Variants in VEPH1 observed in about 807,000 individuals in gnomAD.
VEPH1 encodes the protein ventricular zone-expressed PH domain-containing protein homolog 1.
Under a neutral mutation model 85.2 loss-of-function variants are expected in VEPH1, and 80 were observed. That is an observed-to-expected ratio of 0.94 (90% CI 0.78 to 1.13). VEPH1 has a LOEUF of 1.13. Among genes scored for constraint, VEPH1 ranks in the 50% most tolerant of loss-of-function variants. VEPH1 has a pLI of 0.00. For missense variants in VEPH1, 955 were observed against 980.5 expected (o/e 0.97, Z 0.35); for synonymous variants, 297 against 348.0 (o/e 0.85, Z 1.63).
intron 2 of VEPH1, among the ~76,000 whole-genome samples, chr3:157,490,178 T>G (rs934984901): frequency 1.3e-5 from 2 of 151,878 alleles, no homozygotes; most frequent in Admixed American, 1.3e-4. Context: ...AAGATACTGA[T>G]AGAATTATTC....
chr3:157,382,751 A>G (rs910362138), intron 6 of VEPH1, among the ~76,000 whole-genome samples: 1 of 151,972 alleles, frequency 6.6e-6, no homozygotes, highest in Non-Finnish European at 1.5e-5. Context: ...TCAAGGTGCA[A>G]CTCTTCCATG....
In VEPH1 at chr3:157,426,000, G is replaced by A. The variant is rs1234057937; in HGVS notation, c.696+2322C>T. ...CATGAGATCTGATGGTTTTATCAGGGGTTTCTGCTTTTGCATGGGGTTCCT... is the reference window on the plus strand; with the variant it reads ...CATGAGATCTGATGGTTTTATCAGGAGTTTCTGCTTTTGCATGGGGTTCCT... On this transcript the variant is annotated intron_variant, in intron 5 of 13. Coordinates refer to ENST00000362010, the MANE Select transcript of VEPH1 (RefSeq NM_001167912.2). Among the ~76,000 whole-genome samples the A allele has an allele frequency of 2.0e-5, 3 of 152,244 alleles. No individual in the cohort carries two copies. The South Asian group carries it at 6.2e-4, about 32-fold the overall frequency.
chr3:157,416,627 T>C (rs1193184456), intron 5 of VEPH1, among the ~76,000 whole-genome samples: 1 of 152,202 alleles, frequency 6.6e-6, no homozygotes, highest in Non-Finnish European at 1.5e-5. Context: ...TCCTGTTTCC[T>C]GAACACCAAG....
At chr3:157,385,219 C>CA (rs66539962) in intron 6 of VEPH1, among the ~76,000 whole-genome samples, 58,775 of 135,322 alleles carry the variant, frequency 0.43, 12,655 homozygotes, top group Admixed American at 0.57. Context: ...CTCCTCCCAT[C>CA]AAAAAAAAAA....
chr3:157,343,093 C>T (rs896213149), intron 9 of VEPH1, among the ~76,000 whole-genome samples: 15 of 152,238 alleles, frequency 9.9e-5, no homozygotes, highest in African/African-American at 3.6e-4. Flanking sequence ...CTAAAATTGA[C>T]ACCCTAACAT....
intron 4 of VEPH1, chr3:157,442,991 C>T (rs1390906175): frequency 1.3e-6 from 2 of 1,577,168 alleles, no homozygotes; most frequent in African/African-American, 2.7e-5. Context: ...TGTTGTGAAA[C>T]TCCACTTGAA....
intron 2 of VEPH1, among the ~76,000 whole-genome samples, chr3:157,473,403 C>CT: frequency 1.3e-5 from 2 of 152,224 alleles, no homozygotes; most frequent in East Asian, 3.9e-4. Context: ...TGCTCTTTAG[C>CT]TTAACTACAC....
At chr3:157,299,551 C>T (rs1450603851) in intron 11 of VEPH1, among the ~76,000 whole-genome samples, 1 of 113,302 alleles carries the variant, frequency 8.8e-6, no homozygotes, top group East Asian at 2.6e-4. Flanking sequence ...TAGAGTGAGG[C>T]CCTGTCTCAA....
intron 11 of VEPH1, among the ~76,000 whole-genome samples, chr3:157,303,776 TTTACC>T (rs1481425107): frequency 2.0e-5 from 3 of 152,024 alleles, no homozygotes; most frequent in Non-Finnish European, 4.4e-5. Context: ...TGTTTATCTT[TTTACC>T]TCACCATTGC....
chr3:157,368,187 T>C (rs1295253165), intron 7 of VEPH1, among the ~76,000 whole-genome samples: 1 of 152,204 alleles, frequency 6.6e-6, no homozygotes, highest in Non-Finnish European at 1.5e-5. Flanking sequence ...ACATGTTAGA[T>C]TTTATTACTG....
At chr3:157,340,428 G>A (rs1025714365) in intron 9 of VEPH1, among the ~76,000 whole-genome samples, 2 of 152,206 alleles carry the variant, frequency 1.3e-5, no homozygotes, top group African/African-American at 4.8e-5. Context: ...CTCATTGCTA[G>A]CACAGCAGTC....
At chr3:157,324,513 G>A (rs1483112771) in intron 9 of VEPH1, among the ~76,000 whole-genome samples, 1 of 152,048 alleles carries the variant, frequency 6.6e-6, no homozygotes, top group African/African-American at 2.4e-5. Context: ...CCTCCAACAG[G>A]CCTCAGTATG....
At chr3:157,437,607 A>G (rs754073939) in intron 4 of VEPH1, 8 of 1,570,534 alleles carry the variant, frequency 5.1e-6, no homozygotes, top group Non-Finnish European at 6.9e-6. Flanking sequence ...TGCTGCTGCA[A>G]GCCACGGACG....
chr3:157,336,227 G>A (rs988588), intron 9 of VEPH1, among the ~76,000 whole-genome samples: 14 of 152,088 alleles, frequency 9.2e-5, no homozygotes, highest in East Asian at 3.9e-4. Flanking sequence ...TGTCTAAGTC[G>A]TCTGAATACC....
At chr3:157,377,746 G>A (rs1251956429) in intron 7 of VEPH1, among the ~76,000 whole-genome samples, 6 of 151,980 alleles carry the variant, frequency 3.9e-5, no homozygotes, top group African/African-American at 1.2e-4. Flanking sequence ...GTTTCCTGAC[G>A]TCTCCCAGCC....
intron 9 of VEPH1, among the ~76,000 whole-genome samples, chr3:157,335,926 C>G (rs1559968962): frequency 6.6e-6 from 1 of 152,202 alleles, no homozygotes; most frequent in African/African-American, 2.4e-5. Context: ...ACATAGCCCA[C>G]TAGGCACCAT....
intron 7 of VEPH1, among the ~76,000 whole-genome samples, chr3:157,380,240 C>T (rs1406506274): frequency 1.3e-5 from 2 of 152,178 alleles, no homozygotes; most frequent in Non-Finnish European, 2.9e-5. Context: ...TTCTGCTCTT[C>T]CCTCACTTGA....
chr3:157,378,358 A>ATATG (rs1728391484), intron 7 of VEPH1, among the ~76,000 whole-genome samples: 1 of 107,370 alleles, frequency 9.3e-6, no homozygotes, highest in Non-Finnish European at 1.9e-5. Flanking sequence ...ATATATATAT[A>ATATG]GTAGTGATTC....
intron 11 of VEPH1, among the ~76,000 whole-genome samples, chr3:157,302,573 C>T (rs1313253319): frequency 6.6e-6 from 1 of 152,192 alleles, no homozygotes; most frequent in East Asian, 1.9e-4. Flanking sequence ...GAAAGTGGGC[C>T]CGCACTAGAC....
Sources: allele counts gnomAD v4.1 joint callset (sites outside exome capture counted in the v4.1 genomes callset), GRCh38; gene constraint gnomAD v4.1.1; transcripts MANE v1.5; gene names NCBI Gene and HGNC (gene_info 2026-07-23, HGNC 2026-07-21).